PIK3CB: variants seen among roughly 807,000 people sequenced by gnomAD.
PIK3CB encodes the protein phosphatidylinositol 4,5-bisphosphate 3-kinase catalytic subunit beta isoform.
In PIK3CB, 39 loss-of-function variants were observed where a neutral mutation model predicts 136.8. That is an observed-to-expected ratio of 0.29 (90% CI 0.22 to 0.37). The LOEUF (loss-of-function observed/expected upper bound fraction) is 0.37. Ranked by LOEUF, PIK3CB falls within the 10% of genes least tolerant of loss-of-function variation. PIK3CB has a pLI of 1.00. For synonymous variants in PIK3CB, 428 were observed against 436.6 expected, an observed-to-expected ratio of 0.98 and a Z score of 0.25; for missense variants, 868 against 1,275.4, an observed-to-expected ratio of 0.68 and a Z score of 4.87.
chr3:138,831,455 G>A (rs1401245876), intron 1 of PIK3CB, among the ~76,000 whole-genome samples: 2 of 151,328 alleles, frequency 1.3e-5, no homozygotes, highest in Non-Finnish European at 2.9e-5. Context: ...GCGTGGTGGC[G>A]GGTGCCTGTA....
chr3:138,786,416 C>T (rs1036450915), intron 2 of PIK3CB, among the ~76,000 whole-genome samples: 16 of 151,814 alleles, frequency 1.1e-4, no homozygotes, highest in African/African-American at 2.2e-4. Flanking sequence ...AGTATAATGA[C>T]GCGATCTTGG....
chr3:138,828,685 G>C (rs1300989154), intron 1 of PIK3CB, among the ~76,000 whole-genome samples: 1 of 152,114 alleles, frequency 6.6e-6, no homozygotes, highest in African/African-American at 2.4e-5. Flanking sequence ...TTGAGACCAG[G>C]AGTTCAAGGC....
At chr3:138,691,898 C>T (rs1229643695) in intron 14 of PIK3CB, among the ~76,000 whole-genome samples, 1 of 152,158 alleles carries the variant, frequency 6.6e-6, no homozygotes, top group East Asian at 1.9e-4. Flanking sequence ...AAAATTCCAT[C>T]AGTACTTTCA....
chr3:138,785,938 T>C (rs2045977809), intron 2 of PIK3CB, among the ~76,000 whole-genome samples: 1 of 151,780 alleles, frequency 6.6e-6, no homozygotes, highest in South Asian at 2.1e-4. Context: ...TGTACATTAA[T>C]AGATCAATAA....
intron 2 of PIK3CB, among the ~76,000 whole-genome samples, chr3:138,780,235 A>G (rs1471930803): frequency 6.6e-6 from 1 of 152,040 alleles, no homozygotes; most frequent in Non-Finnish European, 1.5e-5. Context: ...TTAGGATTAC[A>G]TGTGTGAGCC....
At chr3:138,785,834 A>C (rs900477863) in intron 2 of PIK3CB, among the ~76,000 whole-genome samples, 4 of 152,048 alleles carry the variant, frequency 2.6e-5, no homozygotes, top group African/African-American at 9.7e-5. Flanking sequence ...TTAAAAAAAA[A>C]AAAAAAAGAA....
intron 1 of PIK3CB, among the ~76,000 whole-genome samples, chr3:138,804,610 G>T (rs937029899): frequency 6.6e-6 from 1 of 152,184 alleles, no homozygotes; most frequent in Non-Finnish European, 1.5e-5. Context: ...CAACTCTTAA[G>T]AACAAAATCG....
intron 19 of PIK3CB, among the ~76,000 whole-genome samples, chr3:138,680,285 G>A (rs951937200): frequency 7.2e-5 from 11 of 152,000 alleles, no homozygotes; most frequent in Non-Finnish European, 1.6e-4. Context: ...TTGAACTCAG[G>A]AGGCGGAGGC....
chr3:138,684,683 C>T lies in PIK3CB; in HGVS notation c.2257G>A (p.Glu753Lys), dbSNP rs2043847482. 6.2e-7 allele frequency: 1 copy of T among 1,613,720 alleles called. No individual in the cohort carries two copies. Among genetic ancestry groups the T allele is most frequent in the Admixed American group, 1.7e-5 (1 of 59,988 alleles). ...GGTGACTGCAGGTCAGAGAGGGCTT[C>T]CCGGTAAGCACTCTGTTTTAAACAG... ...HTCLKQSAYR[E>K]ALSDLQSPLN... The change falls in exon 17 of 24, where the codon GAA becomes AAA. Residue 753 changes from glutamate to lysine, a missense_variant. By Grantham distance (56) the Glu-to-Lys change is moderately conservative. This residue lies in a region of PIK3CB where 165 missense variants were observed against 295.4 expected (regional missense o/e 0.56). Coordinates refer to ENST00000674063, the MANE Select transcript of PIK3CB (RefSeq NM_006219.3).
intron 11 of PIK3CB, among the ~76,000 whole-genome samples, chr3:138,704,829 T>C (rs2044329795): frequency 6.6e-6 from 1 of 152,006 alleles, no homozygotes; most frequent in South Asian, 2.1e-4. Context: ...CATGTAAGAG[T>C]TACTAAATTG....
intron 14 of PIK3CB, among the ~76,000 whole-genome samples, chr3:138,694,301 A>T (rs1213079654): frequency 1.3e-5 from 2 of 152,046 alleles, no homozygotes; most frequent in African/African-American, 4.8e-5. Context: ...AGCTGCCCGT[A>T]AAAACCGTGG....
intron 3 of PIK3CB, among the ~76,000 whole-genome samples, chr3:138,757,148 G>A (rs905877738): frequency 5.3e-5 from 8 of 152,134 alleles, no homozygotes; most frequent in African/African-American, 1.7e-4. Context: ...GCTCACACCT[G>A]TAATCCCAGC....
chr3:138,737,953 A>T, intron 5 of PIK3CB, 67 bp from the exon 6 acceptor site: 1 of 939,726 alleles, frequency 1.1e-6, no homozygotes, highest in Non-Finnish European at 1.6e-6. Context: ...ATCACATTAC[A>T]ATCATTATGT....
chr3:138,831,551 C>T (rs968778078), intron 1 of PIK3CB, among the ~76,000 whole-genome samples: 1 of 151,972 alleles, frequency 6.6e-6, no homozygotes, highest in Non-Finnish European at 1.5e-5. Flanking sequence ...GCACATTGCA[C>T]TCCAGCCTGG....
intron 10 of PIK3CB, among the ~76,000 whole-genome samples, chr3:138,708,417 T>C (rs2044425340): frequency 6.6e-6 from 1 of 151,586 alleles, no homozygotes; most frequent in African/African-American, 2.4e-5. Context: ...CATGCCACCA[T>C]GCCCAGCTAA....
chr3:138,748,888 T>C (rs902287893), intron 4 of PIK3CB, among the ~76,000 whole-genome samples: 5 of 152,200 alleles, frequency 3.3e-5, no homozygotes, highest in African/African-American at 1.2e-4. Context: ...ACTATACTAT[T>C]TGAACATATG....
At chr3:138,760,203 G>A (rs1051519329) in intron 2 of PIK3CB, among the ~76,000 whole-genome samples, 4 of 152,154 alleles carry the variant, frequency 2.6e-5, no homozygotes, top group Admixed American at 1.3e-4. Context: ...GATTACAGGC[G>A]TGACCCACCG....
chr3:138,683,643 C>A lies in PIK3CB; in HGVS notation c.2425+35G>T, dbSNP rs548174864. On this transcript the variant is annotated intron_variant, in intron 18 of 23. Transcript: ENST00000674063. ...GCAAAATGGCAACAAATGAAAAATT[C>A]TAAGAAATTTGATGTTAAAAATCTC... is the stretch of plus-strand genomic sequence containing the variant. 15 of 1,103,274 alleles carry A rather than the reference C, an allele frequency of 1.4e-5. No homozygotes were observed. The South Asian group carries it at 1.6e-4, about 12-fold the overall frequency. The allele number at this position is 1,103,274 out of a possible 1,614,324, so 68.3% of individuals were successfully genotyped here.
chr3:138,705,201 ACT>A (rs2044354681), intron 11 of PIK3CB, among the ~76,000 whole-genome samples: 17 of 142,286 alleles, frequency 1.2e-4, no homozygotes, highest in East Asian at 6.7e-4. Context: ...AAAAAAAAAA[ACT>A]TATATTTGCA....
Sources: gnomAD v4.1 joint callset for allele counts (sites outside exome capture counted in the v4.1 genomes callset) on GRCh38, gnomAD v4.1.1 for gene constraint, gnomAD v4.1.1 regional missense constraint, MANE v1.5 for transcripts, NCBI Gene and HGNC (gene_info 2026-07-23, HGNC 2026-07-21) for gene names.